ANKFN1: variants seen among roughly 807,000 people sequenced by gnomAD.
The protein encoded by ANKFN1 is ankyrin repeat and fibronectin type III domain containing 1.
Under a neutral mutation model 108.7 loss-of-function variants are expected in ANKFN1, and 74 were observed. The ratio of observed to expected loss-of-function variants is 0.68; its 90% CI spans 0.56 to 0.83. The LOEUF (loss-of-function observed/expected upper bound fraction) is 0.83. Ranked by LOEUF, ANKFN1 falls within the 40% of genes least tolerant of loss-of-function variation. ANKFN1 has a pLI of 0.00. For synonymous variants in ANKFN1, 547 were observed against 516.2 expected (o/e 1.06, Z -0.81); for missense variants, 1,505 against 1,382.3 (o/e 1.09, Z -1.41).
chr17:56,276,992 TAAAC>T (rs2043951975), intron 3 of ANKFN1, among the ~76,000 whole-genome samples: 1 of 152,164 alleles, frequency 6.6e-6, no homozygotes, highest in Non-Finnish European at 1.5e-5. Flanking sequence ...GGAGGCTTCT[TAAAC>T]AAAAGTGTAC....
At chr17:56,100,312 G>T (rs1328520527) in intron 4 of ANKFN1, among the ~76,000 whole-genome samples, 1 of 152,170 alleles carries the variant, frequency 6.6e-6, no homozygotes, top group Admixed American at 6.5e-5. Context: ...GGATTTTAAG[G>T]TTAGATGTCT....
intron 4 of ANKFN1, among the ~76,000 whole-genome samples, chr17:56,126,223 G>T (rs983522114): frequency 1.3e-5 from 2 of 151,942 alleles, no homozygotes; most frequent in African/African-American, 4.8e-5. Context: ...AATTAAGTCT[G>T]GAAAATAAAT....
At chr17:56,154,759 G>T (rs1227358040) in intron 1 of ANKFN1, among the ~76,000 whole-genome samples, 1 of 152,122 alleles carries the variant, frequency 6.6e-6, no homozygotes, top group African/African-American at 2.4e-5. Flanking sequence ...CCAGTTAGGG[G>T]CCAGGTACAT....
At chr17:56,278,075 C>T (rs2043979814) in intron 3 of ANKFN1, among the ~76,000 whole-genome samples, 1 of 152,168 alleles carries the variant, frequency 6.6e-6, no homozygotes, top group African/African-American at 2.4e-5. Context: ...TCTATATTAT[C>T]AATTGATAAC....
intron 2 of ANKFN1, among the ~76,000 whole-genome samples, chr17:56,219,389 G>GGT (rs1475716782): frequency 6.6e-6 from 1 of 152,150 alleles, no homozygotes; most frequent in East Asian, 1.9e-4. Flanking sequence ...TGGGACTACA[G>GGT]GTGTGCACCA....
At chr17:56,297,125 A>G (rs990293222) in intron 3 of ANKFN1, among the ~76,000 whole-genome samples, 1 of 152,202 alleles carries the variant, frequency 6.6e-6, no homozygotes, top group African/African-American at 2.4e-5. Context: ...GTAATGGATG[A>G]GAAGAAAGGC....
chr17:56,409,862 C>A (rs561478430), intron 8 of ANKFN1, among the ~76,000 whole-genome samples: 8 of 136,564 alleles, frequency 5.9e-5, no homozygotes, highest in Middle Eastern at 7.1e-3. Flanking sequence ...AGCTGTGTGA[C>A]CTTGAACAAG....
chr17:56,372,785 T>A lies in ANKFN1; in HGVS notation c.741T>A (p.Ala247=). 6.2e-7 allele frequency: 1 copy of A among 1,614,018 alleles called. No individual in the cohort carries two copies. The highest frequency in any genetic ancestry group is 2.2e-5 in the East Asian group (1 of 44,874). Reference sequence around the variant, plus strand: ...CAGAGAAAGAGAAGCAGCTGAAAGCTTGGGAGTGGAGGTATCGGCTCTACA... The same window carrying A: ...CAGAGAAAGAGAAGCAGCTGAAAGCATGGGAGTGGAGGTATCGGCTCTACA... ...DNTEKEKQLK[A]WEWRYRLYRR... The change falls in exon 7 of 21, where the codon GCT becomes GCA. Residue 247 remains alanine (A), a synonymous_variant. Transcript: ENST00000682825.
intron 4 of ANKFN1, among the ~76,000 whole-genome samples, chr17:56,052,123 G>C (rs913264976): frequency 3.1e-4 from 47 of 152,064 alleles, no homozygotes; most frequent in Admixed American, 2.2e-3. Context: ...TCAATCCTAA[G>C]CCAGAAGAAC....
chr17:56,155,226 G>A (rs1429276027), intron 1 of ANKFN1, among the ~76,000 whole-genome samples: 1 of 152,200 alleles, frequency 6.6e-6, no homozygotes, highest in Non-Finnish European at 1.5e-5. Context: ...TTTATTCAGA[G>A]TCATGAGACT....
chr17:56,436,131 C>T (rs1405866018), intron 8 of ANKFN1, among the ~76,000 whole-genome samples: 1 of 152,000 alleles, frequency 6.6e-6, no homozygotes, highest in Non-Finnish European at 1.5e-5. Flanking sequence ...GTAGAACTTC[C>T]CTGCCCAAAT....
intron 3 of ANKFN1, chr17:56,228,354 G>C (rs187060355): frequency 5.2e-6 from 1 of 192,378 alleles, no homozygotes; most frequent in Admixed American, 6.0e-5. Context: ...TTAACGGCAT[G>C]GTGGTAACCT....
chr17:56,247,470 C>T (rs917047240), intron 3 of ANKFN1, among the ~76,000 whole-genome samples: 1 of 152,136 alleles, frequency 6.6e-6, no homozygotes, highest in Non-Finnish European at 1.5e-5. Flanking sequence ...AAGATAAATA[C>T]TTCAGAGTGA....
chr17:56,376,549 G>A (rs1298162657), intron 8 of ANKFN1, among the ~76,000 whole-genome samples: 2 of 152,150 alleles, frequency 1.3e-5, no homozygotes, highest in African/African-American at 2.4e-5. Flanking sequence ...TCAGGATTTC[G>A]ATGAAGAGTT....
intron 4 of ANKFN1, among the ~76,000 whole-genome samples, chr17:56,094,630 T>C (rs9916388): frequency 0.46 from 67,889 of 146,424 alleles, 17,542 homozygotes; most frequent in East Asian, 0.61. Flanking sequence ...CAGCCTCCCG[T>C]GTAGCTGGGA....
At chr17:56,150,352 A>G (rs1382165776), upstream of ANKFN1, among the ~76,000 whole-genome samples, 2 of 152,202 alleles carry the variant, frequency 1.3e-5, no homozygotes, top group East Asian at 1.9e-4. Context: ...AGAACCCCAC[A>G]TGTCAGTAAG....
At chr17:56,316,491 A>C (rs565955214) in intron 3 of ANKFN1, among the ~76,000 whole-genome samples, 2 of 152,238 alleles carry the variant, frequency 1.3e-5, no homozygotes, top group South Asian at 4.1e-4. Context: ...TAAATGGAGA[A>C]AAGGACCTGG....
intron 5 of ANKFN1, 95 bp from the exon 6 acceptor site, chr17:56,353,741 C>A (rs2046306341): frequency 9.6e-7 from 1 of 1,041,256 alleles, no homozygotes; most frequent in Non-Finnish European, 1.5e-6. Flanking sequence ...AGTGGACATG[C>A]AGTCCCTGAA....
At chr17:56,395,881 T>C (rs939549554) in intron 8 of ANKFN1, among the ~76,000 whole-genome samples, 19 of 152,064 alleles carry the variant, frequency 1.2e-4, no homozygotes, top group African/African-American at 4.6e-4. Flanking sequence ...GGAAGCATGA[T>C]TCCCTTCCCT....
Sources: allele counts gnomAD v4.1 joint callset (sites outside exome capture counted in the v4.1 genomes callset), GRCh38; gene constraint gnomAD v4.1.1; transcripts MANE v1.5; gene names NCBI Gene and HGNC (gene_info 2026-07-23, HGNC 2026-07-21).